VCF2: variants seen among roughly 807,000 people sequenced by gnomAD.
VCF2 encodes the protein protein VCF2.
the VCF2 span, chrX:55,143,803 C>T: frequency 1.7e-6 from 2 of 1,205,492 alleles, no homozygotes; most frequent in African/African-American, 1.7e-5. Context: ...TCCTTCCCTG[C>T]TGTGAAGTAT....
At chrX:55,143,875 T>C in the VCF2 span, 1 of 1,174,632 alleles carries the variant, frequency 8.5e-7, no homozygotes, top group Non-Finnish European at 1.2e-6. Flanking sequence ...GTTTAGACAA[T>C]CTGCAAAAGA....
chrX:55,149,515 C>CT, the VCF2 span, among the ~76,000 whole-genome samples: 288 of 111,225 alleles, frequency 2.6e-3, no homozygotes, highest in African/African-American at 8.8e-3. Context: ...GAAATTAAAA[C>CT]TATTAAATTC....
At chrX:55,153,506 C>T in the VCF2 span, among the ~76,000 whole-genome samples, 3 of 108,702 alleles carry the variant, frequency 2.8e-5, no homozygotes, top group Non-Finnish European at 5.7e-5. Flanking sequence ...AGGCGCATGC[C>T]GCCACGCCCA....
chrX:55,153,289 TTAAA>T, the VCF2 span, among the ~76,000 whole-genome samples: 3 of 112,282 alleles, frequency 2.7e-5, no homozygotes, highest in African/African-American at 9.7e-5. Flanking sequence ...AGTTGGGACT[TTAAA>T]TAATTTTTTT....
At chrX:55,155,309 A>G in the VCF2 span, among the ~76,000 whole-genome samples, 1 of 112,286 alleles carries the variant, frequency 8.9e-6, no homozygotes. Flanking sequence ...AGAGCATTTT[A>G]ATGGATGAAT....
At chrX:55,160,788 A>G in the VCF2 span, 8 of 1,126,086 alleles carry the variant, frequency 7.1e-6, no homozygotes, top group Non-Finnish European at 9.4e-6. Context: ...ACAGAATGCT[A>G]TTGTCCACTG....
chrX:55,157,836 T>G, the VCF2 span, among the ~76,000 whole-genome samples: 1 of 111,634 alleles, frequency 9.0e-6, no homozygotes, highest in Admixed American at 9.5e-5. Flanking sequence ...CTTAATTTCT[T>G]GTACTACTCA....
At chrX:55,155,753 G>C in the VCF2 span, among the ~76,000 whole-genome samples, 3 of 110,854 alleles carry the variant, frequency 2.7e-5, no homozygotes, top group Non-Finnish European at 3.8e-5. Context: ...ATTAGTTAGG[G>C]AGTGAAAAGA....
At chrX:55,157,526 G>C in the VCF2 span, among the ~76,000 whole-genome samples, 2 of 111,829 alleles carry the variant, frequency 1.8e-5, no homozygotes, top group Non-Finnish European at 1.9e-5. Context: ...CAGTGAGACT[G>C]TCTCAAAAAA....
chrX:55,145,476 G>T, the VCF2 span: 1 of 752,091 alleles, frequency 1.3e-6, no homozygotes, highest in African/African-American at 2.3e-5. Flanking sequence ...ATTAGAGAGA[G>T]ATTTTCATGT....
chrX:55,156,232 G>T, the VCF2 span, among the ~76,000 whole-genome samples: 1 of 111,665 alleles, frequency 9.0e-6, no homozygotes, highest in African/African-American at 3.3e-5. Context: ...GATTACAGGC[G>T]TGAGCCACTG....
At chrX:55,144,968 T>A in the VCF2 span, among the ~76,000 whole-genome samples, 1 of 113,085 alleles carries the variant, frequency 8.8e-6, no homozygotes, top group African/African-American at 3.2e-5. Context: ...GAAGCACATC[T>A]ATGAATTCCC....
the VCF2 span, among the ~76,000 whole-genome samples, chrX:55,147,594 C>T: frequency 9.2e-6 from 1 of 108,573 alleles, no homozygotes; most frequent in South Asian, 4.0e-4. Flanking sequence ...GATAAGAAAC[C>T]CACAGCTGAC....
At chrX:55,154,988 G>C in the VCF2 span, among the ~76,000 whole-genome samples, 123 of 112,534 alleles carry the variant, frequency 1.1e-3, no homozygotes, top group Middle Eastern at 4.6e-3. Context: ...AATGAATGCT[G>C]ACTGGGGAAA....
the VCF2 span, chrX:55,145,383 G>C: frequency 2.7e-6 from 2 of 750,435 alleles, no homozygotes; most frequent in East Asian, 3.0e-4. Flanking sequence ...GCACACTCTA[G>C]AGGATAAATG....
chrX:55,143,970 A>G, the VCF2 span: 2 of 518,477 alleles, frequency 3.9e-6, no homozygotes, highest in Non-Finnish European at 6.2e-6. Context: ...ACTTAGTTCA[A>G]CTAAGTACTG....
At chrX:55,160,975 C>T in the VCF2 span, 1 of 1,167,064 alleles carries the variant, frequency 8.6e-7, no homozygotes, top group South Asian at 1.9e-5. Context: ...ACACTGTCAC[C>T]TGCAGGTCAT....
the VCF2 span, chrX:55,143,485 A>C: frequency 6.6e-6 from 1 of 151,250 alleles, no homozygotes; most frequent in Non-Finnish European, 1.3e-5. Flanking sequence ...GGGAGGGGGA[A>C]GGGAGAGAGG....
the VCF2 span, among the ~76,000 whole-genome samples, chrX:55,148,921 C>T: frequency 2.7e-5 from 3 of 111,781 alleles, no homozygotes; most frequent in Admixed American, 2.9e-4. Flanking sequence ...AATTTTTCTC[C>T]TCAGGTTCTA....
Sources: allele counts gnomAD v4.1 joint callset (sites outside exome capture counted in the v4.1 genomes callset), GRCh38; gene constraint gnomAD v4.1.1; transcripts MANE v1.5; gene names NCBI Gene and HGNC (gene_info 2026-07-23, HGNC 2026-07-21).